Variants in ALOX12B observed in about 807,000 individuals in gnomAD.
ALOX12B encodes the protein arachidonate 12-lipoxygenase, 12R type, also known as arachidonate 12-lipoxygenase, 12R-type.
ALOX12B carries 47 observed loss-of-function variants against 78.9 expected under a neutral mutation model. That is an observed-to-expected ratio of 0.60 (90% CI 0.47 to 0.76). The LOEUF (loss-of-function observed/expected upper bound fraction) is 0.76, where lower values mean the gene tolerates loss of function less well. ALOX12B is among the 30% of genes least tolerant of loss of function. ALOX12B has a pLI of 0.00. For synonymous variants in ALOX12B, 370 were observed against 374.5 expected, an observed-to-expected ratio of 0.99 and a Z score of 0.14; for missense variants, 805 against 922.6, an observed-to-expected ratio of 0.87 and a Z score of 1.65.
Position 8,080,241 on chromosome 17 carries a change from C to G in ALOX12B, c.748G>C (p.Val250Leu), listed in dbSNP as rs988663438. 5.6e-6 allele frequency: 9 copies of G among 1,614,044 alleles called. No homozygotes were observed. The highest frequency in any genetic ancestry group is 7.6e-6 in the Non-Finnish European group (9 of 1,179,972). ...GGGACGCCCCATTCCATACCGGAGACGACAGATTTCTTGCCAGGGAAAATT... is the reference window on the plus strand; with the variant it reads ...GGGACGCCCCATTCCATACCGGAGAGGACAGATTTCTTGCCAGGGAAAATT... ...RKIFPGKKSV[V>L]SEYVAEHWAE... Residue 250 changes from valine (V) to leucine (L), a missense_variant, in exon 6 of 15, where the codon GTC (valine) becomes CTC (leucine). Transcript: ENST00000647874. This position sits in a 1 kb window ranked among gnomAD's most constrained non-coding sequence, Gnocchi z 4.8.
chr17:8,083,810 A>T (rs902324948), intron 2 of ALOX12B, among the ~76,000 whole-genome samples: 4 of 152,058 alleles, frequency 2.6e-5, no homozygotes, highest in Admixed American at 6.6e-5. Context: ...CACCCTATGA[A>T]GTAGGTTCTG....
At chr17:8,083,361 T>C (rs1230944639) in intron 2 of ALOX12B, among the ~76,000 whole-genome samples, 1 of 152,216 alleles carries the variant, frequency 6.6e-6, no homozygotes, top group Non-Finnish European at 1.5e-5. Flanking sequence ...GTCGCTATTA[T>C]GTATTACGTG....
chr17:8,081,935 AC>A (rs1457210041), intron 2 of ALOX12B, among the ~76,000 whole-genome samples: 3 of 151,920 alleles, frequency 2.0e-5, no homozygotes, highest in African/African-American at 7.3e-5. Context: ...GAGCCACCAC[AC>A]CTGGCCCATG....
chr17:8,085,102 G>A (rs1978292756), intron 2 of ALOX12B, among the ~76,000 whole-genome samples: 1 of 152,208 alleles, frequency 6.6e-6, no homozygotes, highest in South Asian at 2.1e-4. Context: ...GCCTTTTGGA[G>A]TAACAGTGCA....
Position 8,080,976 on chromosome 17 carries a change from G to A in ALOX12B, c.435C>T (p.His145=). The A allele has an allele frequency of 6.2e-7, 1 of 1,613,992 alleles. No homozygotes were observed. Among genetic ancestry groups the A allele is most frequent in the South Asian group, 1.1e-5 (1 of 91,084 alleles). Residue 145 remains histidine (H), a splice_region_variant and synonymous_variant, in exon 4 of 15, where the codon CAC becomes CAT. Transcript: ENST00000647874. This position sits in a 1 kb window ranked among gnomAD's most constrained non-coding sequence, Gnocchi z 4.8. ...EEIRAKQDFY[H]WRVFLPGLPS... is the part of the protein sequence containing the mutation. ...GCAGGCCAGGAAGAAAGACTCGCCA[G>A]CTGCAAGGGAAACCGAGATGTCACC... is the stretch of plus-strand genomic sequence containing the variant.
rs376180004 is a variant in ALOX12B at position 8,080,798 on chromosome 17, G to C, written c.528-18C>G. The C allele has an allele frequency of 7.9e-5, 128 of 1,614,030 alleles. No homozygotes were observed. Among genetic ancestry groups the C allele is most frequent in the Non-Finnish European group, 9.5e-5 (112 of 1,180,030 alleles). ...CATTCCACCTGTGGGGAGAAGCGCAGGGCAACTGGGATCCAGGGGGCGGGG... is the reference window on the plus strand; with the variant it reads ...CATTCCACCTGTGGGGAGAAGCGCACGGCAACTGGGATCCAGGGGGCGGGG... On this transcript the variant is annotated intron_variant, in intron 4 of 14. Coordinates refer to ENST00000647874, the MANE Select transcript of ALOX12B (RefSeq NM_001139.3). The surrounding 1 kb of genome is among the most constrained non-coding windows in gnomAD (Gnocchi z 4.8).
At chr17:8,081,395 T>A (rs1488810072) in intron 2 of ALOX12B, 1 of 643,394 alleles carries the variant, frequency 1.6e-6, no homozygotes, top group Non-Finnish European at 2.9e-6. Context: ...CCTCTTGCTC[T>A]ACTGTCAAGC....
intron 2 of ALOX12B, among the ~76,000 whole-genome samples, chr17:8,084,511 C>T (rs938332315): frequency 1.3e-5 from 2 of 152,186 alleles, no homozygotes; most frequent in Admixed American, 1.3e-4. Context: ...CCCATTCCTG[C>T]CTGGCCACCA....
Position 8,076,331 on chromosome 17 carries a change from C to T in ALOX12B, c.1376G>A (p.Gly459Asp), listed in dbSNP as rs774946794. ...GGLSAKGMSLGVEGFAGVMVR... is the reference protein window; with the variant it reads ...GGLSAKGMSLDVEGFAGVMVR... Reference sequence around the variant, plus strand: ...CATCACCCCAGCAAAGCCTTCCACGCCCAGGGACATGCCCTGTGAGGAAGG... The same window carrying T: ...CATCACCCCAGCAAAGCCTTCCACGTCCAGGGACATGCCCTGTGAGGAAGG... The change falls in exon 11 of 15, where the codon GGC becomes GAC. Residue 459 changes from glycine to aspartate, a missense_variant. Gly to Asp is a moderately conservative substitution (Grantham distance 94, BLOSUM62 -1). Transcript: ENST00000647874. 1.2e-6 allele frequency: 2 copies of T among 1,605,444 alleles called. No individual in the cohort carries two copies. The highest frequency in any genetic ancestry group is 1.7e-6 in the Non-Finnish European group (2 of 1,175,868).
At position 8,072,938 on chromosome 17, in the gene ALOX12B, G is replaced by C. The variant is rs1457471544; in HGVS notation, c.1939C>G (p.His647Asp). The C allele has an allele frequency of 6.2e-7, 1 of 1,612,250 alleles. No homozygotes were observed. The highest frequency in any genetic ancestry group is 1.3e-5 in the African/African-American group (1 of 74,874). Reference sequence around the variant, plus strand: ...TCCACGAAGTGAATGTCCGGGAAGTGTCCCAGGGGCCGCTGCGGGCAGAGA... The same window carrying C: ...TCCACGAAGTGAATGTCCGGGAAGTCTCCCAGGGGCCGCTGCGGGCAGAGA... ...REPDDRRPLGHFPDIHFVEEA... is the reference protein window; with the variant it reads ...REPDDRRPLGDFPDIHFVEEA... Residue 647 changes from histidine (H) to aspartate (D), a missense_variant, in exon 15 of 15, where the codon CAC becomes GAC. Coordinates refer to ENST00000647874, the MANE Select transcript of ALOX12B (RefSeq NM_001139.3).
In ALOX12B at chr17:8,072,991, AG is replaced by A; in HGVS notation, c.1927-42del. The A allele has an allele frequency of 1.9e-6, 3 of 1,598,300 alleles. No homozygotes were observed. In the African/African-American group the frequency reaches 4.0e-5, roughly 21 times the overall value. On this transcript the variant is annotated intron_variant, in intron 14 of 14. Transcript: ENST00000647874. Reference sequence around the variant, plus strand: ...TCGACAGCTGGGACCAGGGCCGGCCAGCACCCCCTCCTCCTGCCGGTGGCCC... The same window carrying A: ...TCGACAGCTGGGACCAGGGCCGGCCACACCCCCTCCTCCTGCCGGTGGCCC...
intron 3 of ALOX12B, 53 bp downstream of exon 3, chr17:8,081,053 C>T: frequency 6.2e-7 from 1 of 1,612,610 alleles, no homozygotes; most frequent in Non-Finnish European, 8.5e-7. Context: ...TCACTGCCCC[C>T]CACCTCCCTG....
rs3816263 is a variant in ALOX12B, at chr17:8,080,839, A to G, written c.527+45T>C. The G allele has an allele frequency of 2.5e-6, 4 of 1,613,622 alleles. No individual in the cohort carries two copies. The African/African-American group carries it at 4.0e-5, about 16-fold the overall frequency. Reference sequence around the variant, plus strand: ...GGGGGCGGGGAGGAGGCAGGCGCCCAGGGGAAAACCATGGGCGGGGCCCAG... The same window carrying G: ...GGGGGCGGGGAGGAGGCAGGCGCCCGGGGGAAAACCATGGGCGGGGCCCAG... On this transcript the variant is annotated intron_variant, in intron 4 of 14. Coordinates refer to ENST00000647874, the MANE Select transcript of ALOX12B (RefSeq NM_001139.3). This position sits in a 1 kb window ranked among gnomAD's most constrained non-coding sequence, Gnocchi z 4.8.
chr17:8,072,900 C>G lies in ALOX12B; in HGVS notation c.1977G>C (p.Arg659=). 1 of 1,614,084 alleles carries G rather than the reference C, an allele frequency of 6.2e-7. No individual in the cohort carries two copies. The change falls in exon 15 of 15, where the codon CGG becomes CGC. Residue 659 remains arginine (R), a synonymous_variant. Transcript: ENST00000647874. ...PDIHFVEEAP[R]RSIEAFRQRL... is the part of the protein sequence containing the mutation. ...GCTGGCGGAACGCCTCTATGCTCCT[C>G]CGCGGGGCCTCCTCCACGAAGTGAA...
Position 8,076,795 on chromosome 17 carries a change from G to A in ALOX12B, c.1276-52C>T, listed in dbSNP as rs370141918. 2.0e-6 allele frequency: 3 copies of A among 1,521,300 alleles called. No individual in the cohort carries two copies. In the African/African-American group the frequency reaches 4.1e-5, roughly 21 times the overall value. 94.2% of individuals were successfully genotyped at this position (1,521,300 alleles called of 1,614,324 possible). ...AGAGAGGGCTGAAGTGGCCCCCAAAGGAGCTCAGCTCCCCATTTCTGTAAC... is the reference window on the plus strand; with the variant it reads ...AGAGAGGGCTGAAGTGGCCCCCAAAAGAGCTCAGCTCCCCATTTCTGTAAC... On this transcript the variant is annotated intron_variant, in intron 9 of 14. Transcript: ENST00000647874.
At chr17:8,083,047 T>A (rs895900445) in intron 2 of ALOX12B, among the ~76,000 whole-genome samples, 1 of 152,202 alleles carries the variant, frequency 6.6e-6, no homozygotes, top group African/African-American at 2.4e-5. Flanking sequence ...CCTGAGGCTA[T>A]ATACAATCTT....
chr17:8,081,556 T>G, intron 2 of ALOX12B: 1 of 341,734 alleles, frequency 2.9e-6, no homozygotes, highest in Non-Finnish European at 5.9e-6. Context: ...AAGTATATTG[T>G]ACCCATTAAG....
Position 8,081,094 on chromosome 17 carries a change from C to A in ALOX12B, c.434+12G>T. 1 of 1,613,732 alleles carries A rather than the reference C, an allele frequency of 6.2e-7. No individual in the cohort carries two copies. Among genetic ancestry groups the A allele is most frequent in the East Asian group, 2.2e-5 (1 of 44,866 alleles). On this transcript the variant is annotated intron_variant, in intron 3 of 14. Coordinates refer to ENST00000647874, the MANE Select transcript of ALOX12B (RefSeq NM_001139.3). ...CTGCCGGGCGCCCAGACTCTGCCAC[C>A]CGCCCCCTCACTGGTAGAAGTCCTG...
In ALOX12B at chr17:8,080,858, G is replaced by A. The variant is rs779852264; in HGVS notation, c.527+26C>T. On this transcript the variant is annotated intron_variant, in intron 4 of 14. Transcript: ENST00000647874. This position sits in a 1 kb window ranked among gnomAD's most constrained non-coding sequence, Gnocchi z 4.8. ...GCGCCCAGGGGAAAACCATGGGCGG[G>A]GCCCAGCACAGCTTCGGGTCCTTAC... is the stretch of plus-strand genomic sequence containing the variant. 6 of 1,613,894 alleles carry A rather than the reference G, an allele frequency of 3.7e-6. No individual in the cohort carries two copies. The East Asian group carries it at 1.3e-4, about 36-fold the overall frequency.
Sources: allele counts gnomAD v4.1 joint callset (sites outside exome capture counted in the v4.1 genomes callset), GRCh38; gene constraint gnomAD v4.1.1; non-coding constraint Gnocchi (gnomAD v3.1); transcripts MANE v1.5; gene names NCBI Gene and HGNC (gene_info 2026-07-23, HGNC 2026-07-21).